The following NCKAP5 variants were observed in gnomAD, a reference collection of about 807,000 sequenced individuals.
NCKAP5 encodes the protein nck-associated protein 5.
Under a neutral mutation model 167.0 loss-of-function variants are expected in NCKAP5, and 92 were observed. The observed-to-expected ratio is 0.55, with a 90% confidence interval of 0.47 to 0.66. NCKAP5 has a LOEUF of 0.66. Ranked by LOEUF, NCKAP5 falls within the 30% of genes least tolerant of loss-of-function variation. The pLI is 0.00. For missense variants in NCKAP5, 2,378 were observed against 2,315.0 expected (o/e 1.03, Z -0.56); for synonymous variants, 891 against 877.4 (o/e 1.02, Z -0.27).
chr2:132,700,352 G>A (rs542018445), intron 19 of NCKAP5, among the ~76,000 whole-genome samples: 6 of 152,264 alleles, frequency 3.9e-5, no homozygotes, highest in Admixed American at 6.5e-5. Context: ...GTCAATTTTG[G>A]CTTTTGCTGC....
At chr2:133,608,689 G>A in the NCKAP5 span, among the ~76,000 whole-genome samples, 3 of 152,126 alleles carry the variant, frequency 2.0e-5, no homozygotes, top group Non-Finnish European at 4.4e-5. Flanking sequence ...TAATAGAGGC[G>A]AGTGTAAAAT....
intron 11 of NCKAP5, among the ~76,000 whole-genome samples, chr2:132,808,851 G>A (rs1685640851): frequency 1.3e-5 from 2 of 152,024 alleles, no homozygotes; most frequent in Non-Finnish European, 2.9e-5. Context: ...TCCTTGAGGT[G>A]TGACCTTAGA....
At chr2:132,956,399 T>C (rs755668917) in intron 8 of NCKAP5, among the ~76,000 whole-genome samples, 1 of 152,194 alleles carries the variant, frequency 6.6e-6, no homozygotes, top group Non-Finnish European at 1.5e-5. Flanking sequence ...TCAGTTTCCA[T>C]TGTAGACTTA....
At chr2:133,342,988 C>T (rs919107910) in intron 3 of NCKAP5, among the ~76,000 whole-genome samples, 3 of 152,102 alleles carry the variant, frequency 2.0e-5, no homozygotes, top group Non-Finnish European at 4.4e-5. Context: ...GCTGCAGGCT[C>T]GTCAGATCTC....
the NCKAP5 span, among the ~76,000 whole-genome samples, chr2:133,669,393 A>C: frequency 2.0e-5 from 3 of 152,080 alleles, no homozygotes; most frequent in African/African-American, 7.3e-5. Context: ...CCACCATTTC[A>C]GTAGTACTTC....
chr2:133,664,484 T>C, the NCKAP5 span, among the ~76,000 whole-genome samples: 2 of 152,158 alleles, frequency 1.3e-5, no homozygotes, highest in South Asian at 2.1e-4. Context: ...TTCACCTAGA[T>C]TGAAAATCTG....
At chr2:133,440,709 CAAAAAAAAAAAAA>C (rs1174654151) in intron 3 of NCKAP5, among the ~76,000 whole-genome samples, 3 of 32,662 alleles carry the variant, frequency 9.2e-5, no homozygotes, top group East Asian at 7.4e-4. Flanking sequence ...GACTCTGTCT[CAAAAAAAAAAAAA>C]AAAAAAAAAA....
intron 6 of NCKAP5, among the ~76,000 whole-genome samples, chr2:132,998,429 CA>C (rs1256402340): frequency 6.6e-6 from 1 of 152,148 alleles, no homozygotes; most frequent in African/African-American, 2.4e-5. Flanking sequence ...TATGATTAAT[CA>C]AAACCAATTA....
intron 3 of NCKAP5, among the ~76,000 whole-genome samples, chr2:133,396,942 G>C (rs976515073): frequency 6.6e-6 from 1 of 152,324 alleles, no homozygotes; most frequent in African/African-American, 2.4e-5. Context: ...CTGACTGCGT[G>C]AGATAGAGAT....
intron 6 of NCKAP5, among the ~76,000 whole-genome samples, chr2:133,044,133 T>C (rs2079307765): frequency 6.6e-6 from 1 of 152,150 alleles, no homozygotes; most frequent in African/African-American, 2.4e-5. Context: ...TTCACAAATA[T>C]ATAAAAAGTT....
At chr2:133,278,240 A>G (rs1384610687) in intron 4 of NCKAP5, among the ~76,000 whole-genome samples, 1 of 152,220 alleles carries the variant, frequency 6.6e-6, no homozygotes, top group Non-Finnish European at 1.5e-5. Flanking sequence ...TTATCATCCT[A>G]CAGTTCTGTA....
In NCKAP5 at chr2:132,838,042, G is replaced by C. The variant is rs896938408; in HGVS notation, c.807+22450C>G. Among the ~76,000 whole-genome samples the C allele has an allele frequency of 2.9e-4, 44 of 152,206 alleles. 1 individual carries two copies. The highest frequency in any genetic ancestry group is 2.7e-3 in the Admixed American group (42 of 15,290). On this transcript the variant is annotated intron_variant, in intron 11 of 19. Transcript: ENST00000409261. ...ATCCCTGTTACTCTGGCCTTCAGCT[G>C]TACTGGCATCTCTGAGCATGGAGCC...
chr2:133,142,374 A>G (rs1481556065), intron 5 of NCKAP5, among the ~76,000 whole-genome samples: 5 of 152,194 alleles, frequency 3.3e-5, no homozygotes, highest in Admixed American at 3.3e-4. Context: ...TATTAATAAT[A>G]GAATACCTGC....
At chr2:133,066,570 A>G (rs1477450329) in intron 6 of NCKAP5, among the ~76,000 whole-genome samples, 3 of 152,238 alleles carry the variant, frequency 2.0e-5, no homozygotes, top group African/African-American at 7.2e-5. Context: ...CTCACAGAAG[A>G]AAAACATTGT....
intron 12 of NCKAP5, among the ~76,000 whole-genome samples, chr2:132,791,673 A>G (rs569206809): frequency 5.9e-5 from 9 of 152,304 alleles, no homozygotes; most frequent in African/African-American, 1.9e-4. Context: ...TATACAATTT[A>G]TTGACACTTT....
intron 1 of NCKAP5, among the ~76,000 whole-genome samples, chr2:133,567,232 C>G (rs530103237): frequency 6.6e-6 from 1 of 152,330 alleles, no homozygotes; most frequent in South Asian, 2.1e-4. Context: ...ACTGCAGGCA[C>G]TGAGGAGCAG....
the NCKAP5 span, among the ~76,000 whole-genome samples, chr2:133,613,615 T>C: frequency 3.3e-5 from 5 of 152,186 alleles, no homozygotes; most frequent in East Asian, 1.9e-4. Flanking sequence ...ACATCAACCA[T>C]AGCTCTCCTG....
intron 6 of NCKAP5, among the ~76,000 whole-genome samples, chr2:133,031,521 C>G (rs545572546): frequency 1.3e-5 from 2 of 152,300 alleles, no homozygotes; most frequent in South Asian, 4.1e-4. Flanking sequence ...GAAAGGCAGT[C>G]TGGGCCATAA....
chr2:132,704,339 C>T (rs554261572), intron 19 of NCKAP5, among the ~76,000 whole-genome samples: 2 of 152,130 alleles, frequency 1.3e-5, no homozygotes, highest in African/African-American at 2.4e-5. Flanking sequence ...TTATAAACAT[C>T]GATTGAACTC....
Sources: gnomAD v4.1 joint callset for allele counts (sites outside exome capture counted in the v4.1 genomes callset) on GRCh38, gnomAD v4.1.1 for gene constraint, MANE v1.5 for transcripts, NCBI Gene and HGNC (gene_info 2026-07-23, HGNC 2026-07-21) for gene names.